The following ABCA10 variants were observed in gnomAD, a reference collection of about 807,000 sequenced individuals.
The protein encoded by ABCA10 is ATP-binding cassette sub-family A member 10.
ABCA10 carries 169 observed loss-of-function variants against 187.5 expected under a neutral mutation model. That is an observed-to-expected ratio of 0.90 (90% CI 0.80 to 1.02). ABCA10 has a LOEUF of 1.02. Among genes scored for constraint, ABCA10 ranks in the 50% least tolerant of loss-of-function variants. The pLI is 0.00. For missense variants in ABCA10, 1,727 were observed against 1,812.4 expected (o/e 0.95, Z 0.86); for synonymous variants, 574 against 601.8 (o/e 0.95, Z 0.68).
intron 9 of ABCA10, among the ~76,000 whole-genome samples, chr17:69,210,806 G>A (rs1396770636): frequency 4.5e-5 from 6 of 132,996 alleles, no homozygotes; most frequent in African/African-American, 2.1e-4. Context: ...ATATACAATG[G>A]CATATATATA....
At chr17:69,179,724 C>A (rs774440797) in intron 22 of ABCA10, among the ~76,000 whole-genome samples, 1 of 152,152 alleles carries the variant, frequency 6.6e-6, no homozygotes, top group South Asian at 2.1e-4. Flanking sequence ...ATATTCTCTA[C>A]GGAATTCTCT....
At chr17:69,201,840 A>G (rs61002188) in intron 9 of ABCA10, among the ~76,000 whole-genome samples, 172 bp from the exon 10 acceptor site, 10 of 152,198 alleles carry the variant, frequency 6.6e-5, no homozygotes, top group African/African-American at 2.4e-4. Context: ...GCAGGAGTGC[A>G]ATGGCACGAT....
intron 25 of ABCA10, among the ~76,000 whole-genome samples, chr17:69,166,681 A>G (rs902562548): frequency 2.6e-5 from 4 of 152,216 alleles, no homozygotes; most frequent in African/African-American, 9.6e-5. Context: ...TAATTTTAGA[A>G]AGAGGTTTAA....
At chr17:69,162,808 T>TATATACATATACATATAC (rs1189322907) in intron 27 of ABCA10, among the ~76,000 whole-genome samples, 15 of 126,268 alleles carry the variant, frequency 1.2e-4, no homozygotes, top group South Asian at 2.7e-4. Flanking sequence ...AAAAATTACA[T>TATATACATATACATATAC]ATATACATAT....
At chr17:69,218,689 T>C (rs576923053) in intron 6 of ABCA10, among the ~76,000 whole-genome samples, 1 of 151,254 alleles carries the variant, frequency 6.6e-6, no homozygotes, top group Admixed American at 6.6e-5. Flanking sequence ...ACTATATAGA[T>C]GGAGAGAGAT....
chr17:69,231,357 TGTTAG>T (rs2074830795), upstream of ABCA10, among the ~76,000 whole-genome samples: 4 of 152,186 alleles, frequency 2.6e-5, no homozygotes, highest in Non-Finnish European at 5.9e-5. Flanking sequence ...TGAGTTGCCA[TGTTAG>T]GTTATTTGAG....
upstream of ABCA10, among the ~76,000 whole-genome samples, chr17:69,231,842 C>T (rs2074833777): frequency 6.6e-6 from 1 of 152,098 alleles, no homozygotes; most frequent in Non-Finnish European, 1.5e-5. Flanking sequence ...TCTGGATGAT[C>T]TGTCTATTCC....
At chr17:69,201,887 C>A (rs1198273397) in intron 9 of ABCA10, among the ~76,000 whole-genome samples, 2 of 152,134 alleles carry the variant, frequency 1.3e-5, no homozygotes, top group South Asian at 4.1e-4. Flanking sequence ...CAGGTTCAAG[C>A]GATCTCTCCT....
At chr17:69,156,074 T>A in intron 28 of ABCA10, 149 bp from the exon 29 acceptor site, 1 of 919,236 alleles carries the variant, frequency 1.1e-6, no homozygotes, top group Non-Finnish European at 1.5e-6. Flanking sequence ...TTGGCAGTAA[T>A]AACACCTCCG....
rs762940467 is a variant in ABCA10 at position 69,155,825 on chromosome 17, T to C, written c.3556A>G (p.Thr1186Ala). The C allele has an allele frequency of 4.3e-6, 7 of 1,613,616 alleles. No homozygotes were observed. The Middle Eastern group carries it at 6.6e-4, about 152-fold the overall frequency. Residue 1186 changes from threonine (T) to alanine (A), a missense_variant, in exon 29 of 39, where the codon ACT becomes GCT. Thr to Ala is a moderately conservative substitution (Grantham distance 58, BLOSUM62 0). Coordinates refer to ENST00000690296, the MANE Select transcript of ABCA10 (RefSeq NM_001377321.1). Reference protein sequence around the residue: ...AERVQAANALTAPNLEEEPVI... With the variant: ...AERVQAANALAAPNLEEEPVI... ...TTCACCTCCTCCAAGTTTGGAGCAG[T>C]GAGTGCATTTGCTGCTTGGACTCTT...
intron 1 of ABCA10, among the ~76,000 whole-genome samples, chr17:69,238,086 C>G (rs532602165): frequency 6.6e-6 from 1 of 151,518 alleles, no homozygotes; most frequent in Non-Finnish European, 1.5e-5. Context: ...CGCTTGAACC[C>G]GGGAGGCAGA....
chr17:69,193,670 C>T, intron 13 of ABCA10, 58 bp from the exon 14 acceptor site: 2 of 1,551,740 alleles, frequency 1.3e-6, no homozygotes, highest in Non-Finnish European at 8.7e-7. Flanking sequence ...GGAGTTTTTA[C>T]TCTCTAAAAA....
At chr17:69,209,611 T>C (rs1327339312) in intron 9 of ABCA10, among the ~76,000 whole-genome samples, 1 of 152,210 alleles carries the variant, frequency 6.6e-6, no homozygotes, top group East Asian at 1.9e-4. Flanking sequence ...ATAACAGTAA[T>C]AGTCAGATTC....
intron 18 of ABCA10, 38 bp downstream of exon 18, chr17:69,190,315 CTCTTT>C: frequency 6.6e-7 from 1 of 1,508,826 alleles, no homozygotes; most frequent in Non-Finnish European, 8.8e-7. Context: ...TTTTTCTCTT[CTCTTT>C]TTTTTCTTAA....
In ABCA10 at chr17:69,227,685, T is replaced by A. The variant is rs574402635; in HGVS notation, c.-312-400A>T. ...TTAACAGGAAGAAACCACTTTGCAG[T>A]TCCTTGTCAGTCAGCAATTTGACCA... On this transcript the variant is annotated intron_variant, in intron 1 of 38. Coordinates refer to ENST00000690296, the MANE Select transcript of ABCA10 (RefSeq NM_001377321.1). Among the ~76,000 whole-genome samples, 68 of 152,112 alleles carry A rather than the reference T, an allele frequency of 4.5e-4. No individual in the cohort carries two copies. The South Asian group carries it at 0.011, about 24-fold the overall frequency.
At chr17:69,174,802 G>A in intron 23 of ABCA10, 25 bp from the exon 24 acceptor site, 1 of 1,517,274 alleles carries the variant, frequency 6.6e-7, no homozygotes, top group Non-Finnish European at 8.8e-7. Flanking sequence ...AAGGGATAGA[G>A]GAAGGGATCT....
intron 25 of ABCA10, 58 bp downstream of exon 25, chr17:69,174,223 A>G: frequency 7.7e-7 from 1 of 1,299,974 alleles, no homozygotes; most frequent in East Asian, 2.4e-5. Flanking sequence ...TTAAATTTGC[A>G]TTTAAAAAAA....
chr17:69,175,611 G>A, intron 22 of ABCA10, 98 bp from the exon 23 acceptor site: 2 of 888,892 alleles, frequency 2.2e-6, no homozygotes, highest in Admixed American at 3.2e-5. Context: ...AACTCTAGAA[G>A]CATTCACCTG....
Position 69,174,604 on chromosome 17 carries a change from T to C in ABCA10, c.3048+3A>G. 2 of 1,586,626 alleles carry C rather than the reference T, an allele frequency of 1.3e-6. No individual in the cohort carries two copies. The highest frequency in any genetic ancestry group is 2.2e-5 in the East Asian group (1 of 44,738). On this transcript the variant is annotated splice_donor_region_variant and intron_variant, in intron 24 of 38. Transcript: ENST00000690296. ...TTGGCTTGTGGAAAAAATGATCACT[T>C]ACCAAAACAAACATGAGTTCCCATG...
Sources: gnomAD v4.1 joint callset for allele counts (sites outside exome capture counted in the v4.1 genomes callset) on GRCh38, gnomAD v4.1.1 for gene constraint, MANE v1.5 for transcripts, NCBI Gene and HGNC (gene_info 2026-07-23, HGNC 2026-07-21) for gene names.